ARHGAP44: variants seen among roughly 807,000 people sequenced by gnomAD.
ARHGAP44 encodes the protein Rho GTPase activating protein 44, also known as rho GTPase-activating protein 44.
Under a neutral mutation model 106.8 loss-of-function variants are expected in ARHGAP44, and 43 were observed. That is an observed-to-expected ratio of 0.40 (90% CI 0.32 to 0.52). The LOEUF is 0.52. Among genes scored for constraint, ARHGAP44 ranks in the 20% least tolerant of loss-of-function variants. ARHGAP44 has a pLI of 0.48. For synonymous variants in ARHGAP44, 439 were observed against 410.3 expected (o/e 1.07, Z -0.85); for missense variants, 866 against 1,050.5 (o/e 0.82, Z 2.43).
At chr17:12,816,104 T>G (rs143182962) in intron 1 of ARHGAP44, among the ~76,000 whole-genome samples, 1 of 152,230 alleles carries the variant, frequency 6.6e-6, no homozygotes, top group African/African-American at 2.4e-5. Flanking sequence ...GAACAGTACC[T>G]TAGTTGCAGT....
intron 1 of ARHGAP44, among the ~76,000 whole-genome samples, chr17:12,819,552 C>T (rs562441868): frequency 6.0e-5 from 9 of 150,262 alleles, no homozygotes; most frequent in South Asian, 2.1e-4. Flanking sequence ...CCAGTTGCTC[C>T]ATACCCTTGT....
intron 6 of ARHGAP44, 28 bp downstream of exon 6, chr17:12,919,859 T>G: frequency 6.3e-7 from 1 of 1,588,138 alleles, no homozygotes; most frequent in Non-Finnish European, 8.6e-7. Context: ...TCTTTTTTGC[T>G]TCTTTGAAGG....
intron 4 of ARHGAP44, among the ~76,000 whole-genome samples, chr17:12,909,620 G>C (rs1467045075): frequency 6.6e-6 from 1 of 152,130 alleles, no homozygotes; most frequent in East Asian, 1.9e-4. Context: ...CTTGAAAACA[G>C]ATGTAGAGCC....
At chr17:12,800,987 C>A (rs938856915) in intron 1 of ARHGAP44, among the ~76,000 whole-genome samples, 1 of 152,184 alleles carries the variant, frequency 6.6e-6, no homozygotes, top group African/African-American at 2.4e-5. Context: ...CTTGTATGTA[C>A]CCTTAACCAC....
At chr17:12,956,076 CCTCA>C in intron 14 of ARHGAP44, 96 bp downstream of exon 14, 1 of 816,014 alleles carries the variant, frequency 1.2e-6, no homozygotes, top group Non-Finnish European at 2.0e-6. Flanking sequence ...TGAGCACCAG[CCTCA>C]TGTATTTTCC....
intron 16 of ARHGAP44, among the ~76,000 whole-genome samples, chr17:12,972,818 C>T (rs1219624319): frequency 1.3e-5 from 2 of 151,576 alleles, no homozygotes; most frequent in Non-Finnish European, 2.9e-5. Context: ...CCTGCCACCA[C>T]TCCCGGCTAA....
chr17:12,858,451 G>A (rs986408824), intron 1 of ARHGAP44, among the ~76,000 whole-genome samples: 1 of 152,204 alleles, frequency 6.6e-6, no homozygotes, highest in African/African-American at 2.4e-5. Flanking sequence ...TAAGCATGAG[G>A]TCAGACTAAA....
chr17:12,848,256 A>G (rs1255410098), intron 1 of ARHGAP44, among the ~76,000 whole-genome samples: 1 of 152,182 alleles, frequency 6.6e-6, no homozygotes, highest in Non-Finnish European at 1.5e-5. Flanking sequence ...TTAAATATTA[A>G]TAATATCTTT....
At chr17:12,852,634 T>C (rs2035787974) in intron 1 of ARHGAP44, among the ~76,000 whole-genome samples, 1 of 151,300 alleles carries the variant, frequency 6.6e-6, no homozygotes, top group Non-Finnish European at 1.5e-5. Flanking sequence ...CTCCACCTCC[T>C]GGGTTCACGC....
At chr17:12,856,486 T>C (rs1381813331) in intron 1 of ARHGAP44, among the ~76,000 whole-genome samples, 1 of 152,168 alleles carries the variant, frequency 6.6e-6, no homozygotes, top group Non-Finnish European at 1.5e-5. Flanking sequence ...TGTAGGAAAA[T>C]ATCGGAAGTT....
intron 1 of ARHGAP44, among the ~76,000 whole-genome samples, chr17:12,879,449 C>A (rs531138762): frequency 6.6e-6 from 1 of 151,950 alleles, no homozygotes; most frequent in African/African-American, 2.4e-5. Context: ...GTATCTTTTT[C>A]GTTTAATGAC....
At chr17:12,808,926 T>C (rs2034358851) in intron 1 of ARHGAP44, among the ~76,000 whole-genome samples, 1 of 152,244 alleles carries the variant, frequency 6.6e-6, no homozygotes, top group Non-Finnish European at 1.5e-5. Context: ...TGTGAATACA[T>C]AAAACTGAAT....
intron 1 of ARHGAP44, among the ~76,000 whole-genome samples, chr17:12,876,028 G>C (rs2036546947): frequency 6.6e-6 from 1 of 152,178 alleles, no homozygotes; most frequent in Admixed American, 6.5e-5. Context: ...AGAGCTAGAA[G>C]CTCTAACTGC....
At chr17:12,862,646 A>G (rs9903728) in intron 1 of ARHGAP44, among the ~76,000 whole-genome samples, 5,642 of 152,242 alleles carry the variant, frequency 0.037, 339 homozygotes, top group African/African-American at 0.13. Flanking sequence ...CTTGGTATCT[A>G]CATATGAATG....
In ARHGAP44 at chr17:12,990,320, G is replaced by GATCTC. The variant is rs1555569568; in HGVS notation, c.*150_*154dup. 9.5e-7 allele frequency: 1 copy of GATCTC among 1,054,410 alleles called. No homozygotes were observed. Among genetic ancestry groups the GATCTC allele is most frequent in the Non-Finnish European group, 1.3e-6 (1 of 744,610 alleles). The allele number at this position is 1,054,410 out of a possible 1,614,324, so 65.3% of individuals were successfully genotyped here. A position where few individuals can be genotyped will look rare whatever the true frequency, so the allele number is the denominator to read the frequency against. On this transcript the variant is annotated 3_prime_UTR_variant, in exon 21 of 21. Transcript: ENST00000379672. ...AGGTTGGAATTTGGCAGAAAATTGT[G>GATCTC]ATCTCCAGTCCGTGTGGTGATGCTG...
chr17:12,866,670 T>G (rs1341700983), intron 1 of ARHGAP44, among the ~76,000 whole-genome samples: 1 of 152,202 alleles, frequency 6.6e-6, no homozygotes, highest in African/African-American at 2.4e-5. Context: ...TAGGGGTTAT[T>G]GGAACCTGGG....
chr17:12,808,165 C>T (rs1300940216), intron 1 of ARHGAP44, among the ~76,000 whole-genome samples: 1 of 152,240 alleles, frequency 6.6e-6, no homozygotes, highest in Non-Finnish European at 1.5e-5. Context: ...TGTGGATTTG[C>T]AGGCTACAGT....
At chr17:12,822,900 G>A (rs934786391) in intron 1 of ARHGAP44, among the ~76,000 whole-genome samples, 1 of 152,178 alleles carries the variant, frequency 6.6e-6, no homozygotes, top group Admixed American at 6.5e-5. Flanking sequence ...CCAGATGGTG[G>A]TGGTCCTAGG....
chr17:12,848,275 G>T (rs9901623), intron 1 of ARHGAP44, among the ~76,000 whole-genome samples: 1 of 152,102 alleles, frequency 6.6e-6, no homozygotes, highest in African/African-American at 2.4e-5. Flanking sequence ...TTGACTCAAA[G>T]GGTAGAAGTG....
Sources: allele counts gnomAD v4.1 joint callset (sites outside exome capture counted in the v4.1 genomes callset), GRCh38; gene constraint gnomAD v4.1.1; transcripts MANE v1.5; gene names NCBI Gene and HGNC (gene_info 2026-07-23, HGNC 2026-07-21).